PITPNC1: variants seen among roughly 807,000 people sequenced by gnomAD.
PITPNC1 encodes cytoplasmic phosphatidylinositol transfer protein 1.
A neutral mutation model predicts 44.7 loss-of-function variants in PITPNC1; 18 were observed. The ratio of observed to expected loss-of-function variants is 0.40; its 90% CI spans 0.28 to 0.60. PITPNC1 has a LOEUF of 0.60. Among genes scored for constraint, PITPNC1 ranks in the 20% least tolerant of loss-of-function variants. PITPNC1 has a pLI of 0.39. For missense variants in PITPNC1, 290 were observed against 418.4 expected (o/e 0.69, Z 2.68); for synonymous variants, 141 against 149.6 (o/e 0.94, Z 0.42).
At chr17:67,634,537 A>G (rs910128153) in intron 6 of PITPNC1, among the ~76,000 whole-genome samples, 3 of 152,174 alleles carry the variant, frequency 2.0e-5, no homozygotes, top group Non-Finnish European at 4.4e-5. Context: ...CTGTCTCAAA[A>G]AAAAACAGCA....
At chr17:67,476,739 C>A (rs775666057) in intron 1 of PITPNC1, among the ~76,000 whole-genome samples, 2 of 152,162 alleles carry the variant, frequency 1.3e-5, no homozygotes, top group African/African-American at 4.8e-5. Context: ...CCCACCTCCA[C>A]CTCCCAAAGT....
intron 1 of PITPNC1, among the ~76,000 whole-genome samples, chr17:67,513,076 T>C (rs1271320076): frequency 6.6e-6 from 1 of 152,046 alleles, no homozygotes; most frequent in South Asian, 2.1e-4. Flanking sequence ...TAAAAATATA[T>C]AGTAAGGCTG....
At chr17:67,685,004 T>TG (rs1017178600) in intron 8 of PITPNC1, among the ~76,000 whole-genome samples, 3 of 152,240 alleles carry the variant, frequency 2.0e-5, no homozygotes, top group African/African-American at 7.2e-5. Context: ...GTTGGGATGG[T>TG]GGGGGGCACC....
intron 4 of PITPNC1, among the ~76,000 whole-genome samples, chr17:67,576,195 C>T (rs1474886425): frequency 1.3e-5 from 2 of 152,008 alleles, no homozygotes; most frequent in Non-Finnish European, 2.9e-5. Context: ...GCATTTCTAA[C>T]AATTCTGGGC....
intron 1 of PITPNC1, among the ~76,000 whole-genome samples, chr17:67,481,590 T>C (rs954397913): frequency 4.6e-5 from 7 of 152,126 alleles, no homozygotes; most frequent in African/African-American, 1.7e-4. Context: ...TCCCCCACCT[T>C]GGCCTCCCAA....
At chr17:67,553,181 CA>C (rs2040790970) in intron 3 of PITPNC1, 1 of 153,912 alleles carries the variant, frequency 6.5e-6, no homozygotes, top group Non-Finnish European at 1.4e-5. Context: ...TTCCTGCCCT[CA>C]AACACACCAA....
intron 6 of PITPNC1, among the ~76,000 whole-genome samples, chr17:67,655,178 C>G (rs955817204): frequency 6.6e-6 from 1 of 152,112 alleles, no homozygotes; most frequent in Non-Finnish European, 1.5e-5. Context: ...GGAGATGGCT[C>G]GTTTCTTGGT....
chr17:67,575,583 C>T lies in PITPNC1; in HGVS notation c.295-2603C>T, dbSNP rs549294328. On this transcript the variant is annotated intron_variant, in intron 4 of 8. Coordinates refer to ENST00000581322, the MANE Select transcript of PITPNC1 (RefSeq NM_012417.4). The stretch of plus-strand genomic sequence containing the variant: ...CCTCTGTCTTCTCGTGCAGGTGCCA[C>T]CAGGGGTCTCAGCTGGGCTGAAAGG... Among the ~76,000 whole-genome samples, 139 of 152,144 alleles carry T rather than the reference C, an allele frequency of 9.1e-4. No individual in the cohort carries two copies. The South Asian group carries it at 0.027, about 29-fold the overall frequency.
intron 8 of PITPNC1, 86 bp downstream of exon 8, chr17:67,675,628 A>G (rs1440451385): frequency 1.1e-5 from 10 of 872,982 alleles, no homozygotes; most frequent in Admixed American, 1.8e-5. Flanking sequence ...TGCTACCTAG[A>G]AGGACAACAA....
chr17:67,483,640 T>C (rs1018092151), intron 1 of PITPNC1, among the ~76,000 whole-genome samples: 12 of 152,162 alleles, frequency 7.9e-5, no homozygotes, highest in African/African-American at 2.9e-4. Context: ...TCAAAGACTG[T>C]AAATCCATCT....
rs1043486516 is a variant in PITPNC1 at position 67,693,068 on chromosome 17, A to G, written c.*180A>G. On this transcript the variant is annotated 3_prime_UTR_variant, in exon 9 of 9. Coordinates refer to ENST00000581322, the MANE Select transcript of PITPNC1 (RefSeq NM_012417.4). ...TGATTCCCTAAGTATGCTACACAGC[A>G]TCATATTAGATGTAAGATGTAAGAC... 3.5e-6 allele frequency: 2 copies of G among 574,184 alleles called. No individual in the cohort carries two copies. Among genetic ancestry groups the G allele is most frequent in the African/African-American group, 1.9e-5 (1 of 53,240 alleles). 35.6% of individuals were successfully genotyped at this position (574,184 alleles called of 1,614,324 possible). A position where few individuals can be genotyped will look rare whatever the true frequency, so the allele number is the denominator to read the frequency against.
intron 1 of PITPNC1, among the ~76,000 whole-genome samples, chr17:67,485,690 T>C (rs1489643038): frequency 6.6e-6 from 1 of 152,094 alleles, no homozygotes; most frequent in Non-Finnish European, 1.5e-5. Flanking sequence ...ACTTGCCAAT[T>C]TAGTCTGTAA....
intron 5 of PITPNC1, among the ~76,000 whole-genome samples, chr17:67,618,760 A>G (rs2041793473): frequency 7.9e-5 from 12 of 151,574 alleles, no homozygotes; most frequent in Admixed American, 7.9e-4. Flanking sequence ...TCAGAAAAAA[A>G]TAAAAATAAA....
chr17:67,622,907 C>G (rs2952456), intron 5 of PITPNC1, among the ~76,000 whole-genome samples: 5,346 of 151,804 alleles, frequency 0.035, 210 homozygotes, highest in African/African-American at 0.09. Flanking sequence ...CATGAACCAA[C>G]ACTAGACCCA....
rs140127953 is a variant in PITPNC1, at chr17:67,501,996, G to A, written c.49-30806G>A. On this transcript the variant is annotated intron_variant, in intron 1 of 8. Coordinates refer to ENST00000581322, the MANE Select transcript of PITPNC1 (RefSeq NM_012417.4). ...CTATTAGTGAGTATTAAATTAACGA[G>A]GATTAAATGAGCTATTGTGCAGAAA... 1.9e-3 allele frequency among the ~76,000 whole-genome samples: 295 copies of A among 152,296 alleles called. 1 individual carries two copies. Among genetic ancestry groups the A allele is most frequent in the African/African-American group, 6.6e-3 (276 of 41,544 alleles).
intron 8 of PITPNC1, among the ~76,000 whole-genome samples, chr17:67,677,952 C>G (rs933366908): frequency 6.6e-6 from 1 of 151,032 alleles, no homozygotes; most frequent in African/African-American, 2.4e-5. Context: ...GTAGTTCACA[C>G]CTGTAATCCC....
intron 8 of PITPNC1, among the ~76,000 whole-genome samples, chr17:67,678,333 A>G (rs1360606494): frequency 6.6e-6 from 1 of 152,192 alleles, no homozygotes; most frequent in East Asian, 1.9e-4. Context: ...GCACTTATTT[A>G]CTTAGGATGA....
intron 4 of PITPNC1, among the ~76,000 whole-genome samples, chr17:67,557,095 T>G (rs1274097111): frequency 6.6e-6 from 1 of 152,074 alleles, no homozygotes; most frequent in African/African-American, 2.4e-5. Context: ...CAGCAGACAT[T>G]TATTTCTCAC....
At chr17:67,673,317 C>T (rs1445355283) in intron 7 of PITPNC1, among the ~76,000 whole-genome samples, 1 of 151,954 alleles carries the variant, frequency 6.6e-6, no homozygotes, top group Non-Finnish European at 1.5e-5. Flanking sequence ...CTGTGAGTAT[C>T]CAAGAAATGT....
Sources: gnomAD v4.1 joint callset for allele counts (sites outside exome capture counted in the v4.1 genomes callset) on GRCh38, gnomAD v4.1.1 for gene constraint, MANE v1.5 for transcripts, NCBI Gene and HGNC (gene_info 2026-07-23, HGNC 2026-07-21) for gene names.